Variants in MYOM3 observed in about 807,000 individuals in gnomAD.
The protein encoded by MYOM3 is myomesin-3.
In MYOM3, 155 loss-of-function variants were observed where a neutral mutation model predicts 191.7. The ratio of observed to expected loss-of-function variants is 0.81; its 90% confidence interval spans 0.71 to 0.92. The LOEUF is 0.92. Among genes scored for constraint, MYOM3 ranks in the 40% least tolerant of loss-of-function variants. The pLI is 0.00. For synonymous variants in MYOM3, 757 were observed against 762.9 expected (o/e 0.99, Z 0.13); for missense variants, 1,889 against 1,890.6 (o/e 1.00, Z 0.02).
Position 24,061,973 on chromosome 1 carries a change from G to A in MYOM3, c.3907C>T (p.Gln1303Ter). The A allele has an allele frequency of 6.2e-7, 1 of 1,614,208 alleles. No individual in the cohort carries two copies. The highest frequency in any genetic ancestry group is 2.2e-5 in the East Asian group (1 of 44,882). Residue 1303 changes from glutamine (Q) to a stop codon, truncating the protein, a stop_gained, in exon 33 of 37, where the codon CAG becomes TAG. Coordinates refer to ENST00000374434, the MANE Select transcript of MYOM3 (RefSeq NM_152372.4). LOFTEE classifies it high-confidence loss of function. The part of the protein sequence containing the change: ...LEIAAGKEVR[Q>*]LSTDLSGQAF... The stretch of plus-strand genomic sequence containing the variant: ...TGCCCTGAGAGATCTGTTGAGAGCT[G>A]CCGGACTTCCTTCCCTGCAGCTATT...
Position 24,105,939 on chromosome 1 carries a change from G to T in MYOM3, c.541C>A (p.Pro181Thr), listed in dbSNP as rs763377433. Residue 181 changes from proline to threonine, a missense_variant, in exon 5 of 37, where the codon CCA (proline) becomes ACA (threonine). By Grantham distance (38) the Pro-to-Thr change is conservative. Coordinates refer to ENST00000374434, the MANE Select transcript of MYOM3 (RefSeq NM_152372.4). ...VLLTCTVQASPPPQVTWYKND... is the reference protein window; with the variant it reads ...VLLTCTVQASTPPQVTWYKND... ...GCTTACCAGGTGACCTGGGGTGGTG[G>T]TGAGGCCTGGACAGTGCAGGTCAGC... 3.7e-6 allele frequency: 6 copies of T among 1,608,210 alleles called. No individual in the cohort carries two copies. The highest frequency in any genetic ancestry group is 5.1e-6 in the Non-Finnish European group (6 of 1,176,914).
chr1:24,082,306 T>A, intron 17 of MYOM3, 118 bp from the exon 18 acceptor site: 1 of 1,036,692 alleles, frequency 9.6e-7, no homozygotes, highest in South Asian at 1.7e-5. Context: ...TCCAGGGGTT[T>A]TTCCCTGAGC....
chr1:24,093,406 G>A (rs1643862584), intron 9 of MYOM3, among the ~76,000 whole-genome samples: 1 of 152,118 alleles, frequency 6.6e-6, no homozygotes, highest in Non-Finnish European at 1.5e-5. Context: ...TAGGTTCTCT[G>A]AGGGAGTAGG....
chr1:24,065,850 C>A (rs781594266), intron 29 of MYOM3, 41 bp downstream of exon 29: 2 of 1,472,922 alleles, frequency 1.4e-6, no homozygotes, highest in Non-Finnish European at 1.9e-6. Flanking sequence ...TGGCTTGCAG[C>A]CAAAGGAGAA....
At position 24,087,461 on chromosome 1, in the gene MYOM3, C is replaced by T. The variant is rs1194717468; in HGVS notation, c.1615-634G>A. Among the ~76,000 whole-genome samples the T allele has an allele frequency of 6.6e-6, 1 of 152,158 alleles. No homozygotes were observed. Among genetic ancestry groups the T allele is most frequent in the Admixed American group, 6.5e-5 (1 of 15,278 alleles). On this transcript the variant is annotated intron_variant, in intron 14 of 36. Coordinates refer to ENST00000374434, the MANE Select transcript of MYOM3 (RefSeq NM_152372.4). This position sits in a 1 kb window ranked among gnomAD's most constrained non-coding sequence, Gnocchi z 4.5. ...AGCAAAAGCTTCCCCATCGCCTGACCCCTCGGCCTGTCTGGCCACCGTTCC... is the reference window on the plus strand; with the variant it reads ...AGCAAAAGCTTCCCCATCGCCTGACTCCTCGGCCTGTCTGGCCACCGTTCC...
In MYOM3 at chr1:24,082,147, C is replaced by T. The variant is rs372763182; in HGVS notation, c.2134G>A (p.Gly712Arg). The change falls in exon 18 of 37, where the codon GGG becomes AGG. Residue 712 changes from glycine to arginine, a missense_variant. Coordinates refer to ENST00000374434, the MANE Select transcript of MYOM3 (RefSeq NM_152372.4). ...APYGFALLNC[G>R]KNEMVIGWKP... ...CACCCAATGACCATTTCATTCTTCC[C>T]GCAGTTCAGGAGGGCAAAGCCATAT... is the stretch of plus-strand genomic sequence containing the variant. The T allele has an allele frequency of 1.5e-5, 24 of 1,613,132 alleles. No individual in the cohort carries two copies. The highest frequency in any genetic ancestry group is 1.5e-4 in the African/African-American group (11 of 74,882).
rs1469486910 is a variant in MYOM3 at position 24,063,950 on chromosome 1, T to C, written c.3622+122A>G. On this transcript the variant is annotated intron_variant, in intron 30 of 36. Coordinates refer to ENST00000374434, the MANE Select transcript of MYOM3 (RefSeq NM_152372.4). This position sits in a 1 kb window ranked among gnomAD's most constrained non-coding sequence, Gnocchi z 4.5. ...GTGGAATCTTGGGCAAGTTACTTAATCTCTTTGTGCCTCAATTTCTCCAAG... is the reference window on the plus strand; with the variant it reads ...GTGGAATCTTGGGCAAGTTACTTAACCTCTTTGTGCCTCAATTTCTCCAAG... 1.3e-6 allele frequency: 1 copy of C among 789,712 alleles called. No individual in the cohort carries two copies. Among genetic ancestry groups the C allele is most frequent in the Non-Finnish European group, 2.1e-6 (1 of 482,638 alleles). 48.9% of individuals were successfully genotyped at this position (789,712 alleles called of 1,614,324 possible). A position where few individuals can be genotyped will look rare whatever the true frequency, so the allele number is the denominator to read the frequency against.
chr1:24,068,531 T>TC (rs951062995), intron 25 of MYOM3, among the ~76,000 whole-genome samples, 164 bp from the exon 26 acceptor site: 1 of 151,916 alleles, frequency 6.6e-6, no homozygotes, highest in African/African-American at 2.4e-5. Context: ...CCACACCTAG[T>TC]CCCCCGGGGT....
chr1:24,098,377 C>T lies in MYOM3; in HGVS notation c.657-366G>A, dbSNP rs116184433. The stretch of plus-strand genomic sequence containing the variant: ...TCAGCTTCAAACAAGGATCCTGGAG[C>T]GGGAGCCTCCTCCTTTCTCAGAGAG... On this transcript the variant is annotated intron_variant, in intron 6 of 36. Coordinates refer to ENST00000374434, the MANE Select transcript of MYOM3 (RefSeq NM_152372.4). Among the ~76,000 whole-genome samples the T allele has an allele frequency of 2.6e-3, 389 of 152,324 alleles. 1 individual carries two copies. Among genetic ancestry groups the T allele is most frequent in the Non-Finnish European group, 4.0e-3 (275 of 68,020 alleles).
In MYOM3 at chr1:24,106,088, G is replaced by C. The variant is rs80193524; in HGVS notation, c.403-11C>G. On this transcript the variant is annotated splice_polypyrimidine_tract_variant and intron_variant, in intron 4 of 36. Coordinates refer to ENST00000374434, the MANE Select transcript of MYOM3 (RefSeq NM_152372.4). ...GACCTTCTCCTCTGTCTGGAGGCGG[G>C]AAGAGGTGTATGACGCTGTGAGCCA... The C allele has an allele frequency of 3.2e-3, 5,135 of 1,604,292 alleles. 130 individuals carry two copies. The African/African-American group carries it at 0.057, about 18-fold the overall frequency.
At position 24,090,138 on chromosome 1, in the gene MYOM3, T is replaced by G; in HGVS notation, c.1433-20A>C. The G allele has an allele frequency of 1.3e-6, 2 of 1,580,722 alleles. No individual in the cohort carries two copies. Among genetic ancestry groups the G allele is most frequent in the Non-Finnish European group, 1.7e-6 (2 of 1,149,788 alleles). ...GGATCTCTAGGATGAGAAGGGAGCATGGGAGGGTGGGGGGTGGCACAGGAG... is the reference window on the plus strand; with the variant it reads ...GGATCTCTAGGATGAGAAGGGAGCAGGGGAGGGTGGGGGGTGGCACAGGAG... On this transcript the variant is annotated intron_variant, in intron 12 of 36. Transcript: ENST00000374434.
At chr1:24,077,626 C>G (rs1643617939) in intron 20 of MYOM3, among the ~76,000 whole-genome samples, 1 of 152,220 alleles carries the variant, frequency 6.6e-6, no homozygotes, top group Non-Finnish European at 1.5e-5. Flanking sequence ...CCCTCAATTG[C>G]AGCATTTATC....
intron 25 of MYOM3, 107 bp downstream of exon 25, chr1:24,071,010 T>C: frequency 7.3e-7 from 1 of 1,371,900 alleles, no homozygotes; most frequent in Non-Finnish European, 1.0e-6. Flanking sequence ...CCGTCATTTC[T>C]GAAATGGCCA....
At chr1:24,068,755 G>A (rs373532077) in intron 25 of MYOM3, among the ~76,000 whole-genome samples, 1 of 151,484 alleles carries the variant, frequency 6.6e-6, no homozygotes, top group East Asian at 1.9e-4. Context: ...GCAGAGTCTC[G>A]CTCCATCACC....
intron 5 of MYOM3, among the ~76,000 whole-genome samples, chr1:24,104,608 T>C (rs919067633): frequency 2.6e-5 from 4 of 152,146 alleles, no homozygotes; most frequent in African/African-American, 9.7e-5. Flanking sequence ...CCCAAGTAGC[T>C]GGGATTACAG....
At chr1:24,060,442 C>T (rs1354155437) in intron 35 of MYOM3, among the ~76,000 whole-genome samples, 1 of 152,242 alleles carries the variant, frequency 6.6e-6, no homozygotes, top group African/African-American at 2.4e-5. Context: ...GTTCTTAGAG[C>T]TGTGCTGTCT....
intron 15 of MYOM3, 93 bp from the exon 16 acceptor site, chr1:24,084,732 G>C (rs960813571): frequency 1.3e-5 from 15 of 1,168,388 alleles, no homozygotes; most frequent in East Asian, 7.0e-5. Flanking sequence ...AGGCCAGAAG[G>C]AGCTCCCACA....
At chr1:24,096,605 G>A (rs573273277) in intron 7 of MYOM3, among the ~76,000 whole-genome samples, 33 of 152,326 alleles carry the variant, frequency 2.2e-4, no homozygotes, top group Middle Eastern at 3.4e-3. Flanking sequence ...TGGGTGGAGA[G>A]GGCTGTGCAG....
At chr1:24,106,129 C>T (rs1005103717) in intron 4 of MYOM3, 52 bp from the exon 5 acceptor site, 13 of 1,525,940 alleles carry the variant, frequency 8.5e-6, no homozygotes, top group Non-Finnish European at 1.1e-5. Context: ...CACCTCTCTG[C>T]CATCTTTGCC....
Sources: gnomAD v4.1 joint callset for allele counts (sites outside exome capture counted in the v4.1 genomes callset) on GRCh38, gnomAD v4.1.1 for gene constraint, Gnocchi (gnomAD v3.1) non-coding constraint, MANE v1.5 for transcripts, NCBI Gene and HGNC (gene_info 2026-07-23, HGNC 2026-07-21) for gene names.